The following RAD18 variants were observed in gnomAD, a reference collection of about 807,000 sequenced individuals.
RAD18 encodes the protein E3 ubiquitin-protein ligase RAD18.
RAD18 carries 47 observed loss-of-function variants against 60.4 expected under a neutral mutation model. That is an observed-to-expected ratio of 0.78 (90% CI 0.62 to 0.99). RAD18 has a LOEUF of 0.99. RAD18 is among the 50% of genes least tolerant of loss of function. RAD18 has a pLI of 0.00. For missense variants in RAD18, 640 were observed against 593.3 expected, an observed-to-expected ratio of 1.08 and a Z score of -0.82; for synonymous variants, 225 against 195.5, an observed-to-expected ratio of 1.15 and a Z score of -1.26.
intron 1 of RAD18, 105 bp from the exon 2 acceptor site, chr3:8,959,106 T>C: frequency 1.2e-6 from 1 of 853,326 alleles, no homozygotes; most frequent in Middle Eastern, 2.3e-4. Context: ...AAACTCTTTG[T>C]CAAATACACA....
chr3:8,910,813 A>G (rs573688863), intron 9 of RAD18, among the ~76,000 whole-genome samples: 1 of 152,224 alleles, frequency 6.6e-6, no homozygotes, highest in African/African-American at 2.4e-5. Context: ...TAGCACATCA[A>G]TAGTTAATGT....
At chr3:8,912,011 G>A (rs528065300) in intron 9 of RAD18, among the ~76,000 whole-genome samples, 40 of 152,264 alleles carry the variant, frequency 2.6e-4, no homozygotes, top group African/African-American at 8.9e-4. Context: ...ATAGAGTCCC[G>A]AATGTTTCCA....
intron 7 of RAD18, among the ~76,000 whole-genome samples, chr3:8,933,385 T>C (rs949226226): frequency 1.3e-5 from 2 of 152,186 alleles, no homozygotes; most frequent in African/African-American, 4.8e-5. Flanking sequence ...ACATTTCAGT[T>C]AGAGCAATGG....
intron 2 of RAD18, among the ~76,000 whole-genome samples, chr3:8,954,027 C>A (rs2124843217): frequency 6.6e-6 from 1 of 152,272 alleles, no homozygotes; most frequent in East Asian, 1.9e-4. Context: ...TGAAGTAGCA[C>A]TGTGAAACAA....
chr3:8,949,051 A>C (rs1010071067), intron 2 of RAD18, among the ~76,000 whole-genome samples: 1 of 152,214 alleles, frequency 6.6e-6, no homozygotes, highest in African/African-American at 2.4e-5. Context: ...GCAGGCACTA[A>C]GAACAATATA....
In RAD18 at chr3:8,941,738, A is replaced by G; in HGVS notation, c.333T>C (p.Asn111=). 6.2e-7 allele frequency: 1 copy of G among 1,614,164 alleles called. No homozygotes were observed. Among genetic ancestry groups the G allele is most frequent in the South Asian group, 1.1e-5 (1 of 91,084 alleles). ...AKSPASSSSK[N]LAVKVYTPVA... ...CAGGAGTATATACTTTGACAGCAAG[A>G]TTCTTTGAAGAGGAAGAAGCAGGAG... The change falls in exon 5 of 13, where the codon AAT becomes AAC. Residue 111 remains asparagine, a synonymous_variant. Coordinates refer to ENST00000264926, the MANE Select transcript of RAD18 (RefSeq NM_020165.4).
At position 8,923,718 on chromosome 3, in the gene RAD18, G is replaced by A. The variant is rs2125060062; in HGVS notation, c.890-9998C>T. ...CCATCAGACTAACAGCTGATCTCCT[G>A]GCAGAAACTTTACAAGCCAGAAGAA... is the stretch of plus-strand genomic sequence containing the variant. On this transcript the variant is annotated intron_variant, in intron 7 of 12. Transcript: ENST00000264926. Among the ~76,000 whole-genome samples, 3 of 152,282 alleles carry A rather than the reference G, an allele frequency of 2.0e-5. No individual in the cohort carries two copies. In the South Asian group the frequency reaches 6.2e-4, roughly 32 times the overall value.
intron 4 of RAD18, among the ~76,000 whole-genome samples, chr3:8,946,454 A>C (rs192885353): frequency 6.6e-6 from 1 of 152,370 alleles, no homozygotes. Context: ...ACTTAACTAC[A>C]GGGGCACCTG....
chr3:8,927,513 G>A (rs1004725902), intron 7 of RAD18, among the ~76,000 whole-genome samples: 4 of 152,112 alleles, frequency 2.6e-5, no homozygotes, highest in Admixed American at 2.6e-4. Context: ...AATTCCTCAG[G>A]GATCTACAGC....
intron 11 of RAD18, among the ~76,000 whole-genome samples, chr3:8,892,273 G>A (rs907008447): frequency 1.3e-5 from 2 of 152,180 alleles, no homozygotes; most frequent in Non-Finnish European, 2.9e-5. Flanking sequence ...GCTTCAAGAA[G>A]CTGGATGAAT....
chr3:8,887,940 A>G (rs1939599807), intron 12 of RAD18, among the ~76,000 whole-genome samples: 1 of 152,256 alleles, frequency 6.6e-6, no homozygotes, highest in Non-Finnish European at 1.5e-5. Flanking sequence ...CAACTCCTCT[A>G]TCTGGCCCCA....
intron 2 of RAD18, among the ~76,000 whole-genome samples, chr3:8,953,135 T>C (rs1940953255): frequency 6.6e-6 from 1 of 151,064 alleles, no homozygotes; most frequent in South Asian, 2.1e-4. Context: ...ATATATACTG[T>C]ACATTTATAC....
Position 8,947,235 on chromosome 3 carries a change from C to G in RAD18, c.251G>C (p.Ser84Thr). ...TAAATCATACCGTGCAAAATTCAAG[C>G]TTTTTACCAGTTCATCTAATATGCG... ...NNRILDELVK[S>T]LNFARNHLLQ... Residue 84 changes from serine (S) to threonine (T), a missense_variant, in exon 4 of 13, where the codon AGC becomes ACC. Physicochemically the swap from Ser to Thr is moderately conservative, Grantham distance 58. Transcript: ENST00000264926. The G allele has an allele frequency of 1.2e-6, 2 of 1,609,816 alleles. No homozygotes were observed. The highest frequency in any genetic ancestry group is 8.5e-7 in the Non-Finnish European group (1 of 1,176,582).
At chr3:8,959,022 T>C (rs371842224) in intron 1 of RAD18, 21 bp from the exon 2 acceptor site, 28 of 1,595,350 alleles carry the variant, frequency 1.8e-5, no homozygotes, top group Non-Finnish European at 4.3e-6. Flanking sequence ...AATATGCATA[T>C]ATACATATCA....
intron 10 of RAD18, 82 bp from the exon 11 acceptor site, chr3:8,899,129 T>C (rs1939856600): frequency 1.8e-6 from 2 of 1,097,094 alleles, no homozygotes; most frequent in South Asian, 3.7e-5. Flanking sequence ...AATACTGCCA[T>C]GTGCACTTAG....
chr3:8,896,397 T>A (rs1358733480), intron 11 of RAD18, among the ~76,000 whole-genome samples: 1 of 151,900 alleles, frequency 6.6e-6, no homozygotes, highest in Non-Finnish European at 1.5e-5. Context: ...TAATCTGGCT[T>A]CAGTGCCTTC....
At chr3:8,961,872 T>C (rs1941099503) in intron 1 of RAD18, among the ~76,000 whole-genome samples, 1 of 152,224 alleles carries the variant, frequency 6.6e-6, no homozygotes, top group African/African-American at 2.4e-5. Flanking sequence ...ATATGTAAAG[T>C]GTGCTTAAAT....
chr3:8,907,065 C>T (rs1324077749), intron 9 of RAD18, among the ~76,000 whole-genome samples: 1 of 152,198 alleles, frequency 6.6e-6, no homozygotes, highest in Non-Finnish European at 1.5e-5. Flanking sequence ...CCTTCCAGTA[C>T]TATGTCCTGC....
rs761029992 is a variant in RAD18 at position 8,948,479 on chromosome 3, A to G, written c.195+30T>C. ...AGCAGAAATATTTGCAGCAGTCAGT[A>G]AGTTTTAAAAAAAGGAAACAAAAAC... is the stretch of plus-strand genomic sequence containing the variant. On this transcript the variant is annotated intron_variant, in intron 3 of 12. Coordinates refer to ENST00000264926, the MANE Select transcript of RAD18 (RefSeq NM_020165.4). 13 of 1,574,100 alleles carry G rather than the reference A, an allele frequency of 8.3e-6. No homozygotes were observed. The South Asian group carries it at 1.4e-4, about 18-fold the overall frequency.
Sources: gnomAD v4.1 joint callset for allele counts (sites outside exome capture counted in the v4.1 genomes callset) on GRCh38, gnomAD v4.1.1 for gene constraint, MANE v1.5 for transcripts, NCBI Gene and HGNC (gene_info 2026-07-23, HGNC 2026-07-21) for gene names.